DACH2: variants seen among roughly 807,000 people sequenced by gnomAD.
The protein encoded by DACH2 is dachshund family transcription factor 2, also known as dachshund homolog 2.
DACH2 carries 17 observed loss-of-function variants against 35.8 expected under a neutral mutation model. That is an observed-to-expected ratio of 0.48 (90% confidence interval 0.33 to 0.71). DACH2 has a LOEUF of 0.71. Among genes scored for constraint, DACH2 ranks in the 30% least tolerant of loss-of-function variants. DACH2 has a pLI of 0.02. For missense variants in DACH2, 469 were observed against 472.7 expected (o/e 0.99, Z 0.07); for synonymous variants, 195 against 177.3 (o/e 1.10, Z -0.79).
At chrX:86,414,462 A>G (rs2036667888) in intron 2 of DACH2, among the ~76,000 whole-genome samples, 1 of 111,257 alleles carries the variant, frequency 9.0e-6, no homozygotes, top group South Asian at 3.7e-4. Context: ...TTCCCATTGT[A>G]TTTAAATTTT....
chrX:86,814,946 G>A, intron 10 of DACH2, 112 bp downstream of exon 10: 2 of 788,720 alleles, frequency 2.5e-6, no homozygotes, highest in Non-Finnish European at 3.5e-6. Flanking sequence ...AAGGGAGAGA[G>A]GGAAACACAG....
At chrX:86,536,250 G>A (rs1179684237) in intron 3 of DACH2, among the ~76,000 whole-genome samples, 1 of 111,760 alleles carries the variant, frequency 8.9e-6, no homozygotes, top group African/African-American at 3.3e-5. Context: ...TCCTGATGGA[G>A]GAAATGAGTG....
intron 7 of DACH2, among the ~76,000 whole-genome samples, chrX:86,749,272 G>C (rs1296629029): frequency 1.8e-5 from 2 of 111,922 alleles, no homozygotes; most frequent in African/African-American, 6.5e-5. Context: ...TTGGCTAACT[G>C]TTTGGTGCAA....
At chrX:86,756,462 T>C (rs1177937439) in intron 7 of DACH2, among the ~76,000 whole-genome samples, 1 of 103,182 alleles carries the variant, frequency 9.7e-6, no homozygotes, top group East Asian at 3.2e-4. Flanking sequence ...TTAGGTTAAA[T>C]TTACTCCTAG....
intron 1 of DACH2, among the ~76,000 whole-genome samples, chrX:86,212,094 T>A (rs1337623608): frequency 9.0e-6 from 1 of 111,325 alleles, no homozygotes; most frequent in African/African-American, 3.3e-5. Flanking sequence ...AAGAATCGAG[T>A]CAACTGGGAG....
At chrX:86,491,774 T>C (rs1752226591) in intron 2 of DACH2, among the ~76,000 whole-genome samples, 1 of 111,757 alleles carries the variant, frequency 8.9e-6, no homozygotes, top group African/African-American at 3.2e-5. Context: ...GCAGCAAAAC[T>C]GAGTTCTAGC....
intron 1 of DACH2, among the ~76,000 whole-genome samples, chrX:86,321,381 C>G (rs141351906): frequency 8.9e-6 from 1 of 111,904 alleles, no homozygotes; most frequent in East Asian, 2.8e-4. Context: ...AATTGGGAGA[C>G]AAGGAGGTGT....
chrX:86,150,881 ACT>A (rs1387915520), intron 1 of DACH2, among the ~76,000 whole-genome samples: 1 of 110,180 alleles, frequency 9.1e-6, no homozygotes, highest in Non-Finnish European at 1.9e-5. Context: ...TCTCTTATTA[ACT>A]CTCTCTCTTT....
intron 2 of DACH2, among the ~76,000 whole-genome samples, chrX:86,438,161 G>T (rs1211928053): frequency 9.4e-6 from 1 of 105,839 alleles, no homozygotes; most frequent in Non-Finnish European, 1.9e-5. Flanking sequence ...TCATTAGTTT[G>T]CTTAGGATAA....
Position 86,332,359 on chromosome X carries a change from C to A in DACH2, c.489-44465C>A, listed in dbSNP as rs1363061667. Among the ~76,000 whole-genome samples, 3 of 111,258 alleles carry A rather than the reference C, an allele frequency of 2.7e-5. No individual in the cohort carries two copies. In the East Asian group the frequency reaches 8.5e-4, roughly 31 times the overall value. On this transcript the variant is annotated intron_variant, in intron 1 of 11. Coordinates refer to ENST00000373125, the MANE Select transcript of DACH2 (RefSeq NM_053281.3). ...GAATCATAATTGTGGCCTCCGACTA[C>A]CAGGTATTGGTTCTATTTTTGTATG...
rs192777758 is a variant in DACH2 at position 86,203,181 on chromosome X, A to G, written c.488+54073A>G. Among the ~76,000 whole-genome samples, 484 of 111,549 alleles carry G rather than the reference A, an allele frequency of 4.3e-3. 1 individual carries two copies. Among genetic ancestry groups the G allele is most frequent in the Non-Finnish European group, 7.1e-3 (374 of 52,987 alleles). ...GATATTTGAAAACTTGCTAATTGCTATTATTTCAACAAAATTGGGTTGAAG... is the reference window on the plus strand; with the variant it reads ...GATATTTGAAAACTTGCTAATTGCTGTTATTTCAACAAAATTGGGTTGAAG... On this transcript the variant is annotated intron_variant, in intron 1 of 11. Coordinates refer to ENST00000373125, the MANE Select transcript of DACH2 (RefSeq NM_053281.3).
At chrX:86,338,127 A>G (rs1204323448) in intron 1 of DACH2, among the ~76,000 whole-genome samples, 1 of 111,664 alleles carries the variant, frequency 9.0e-6, no homozygotes, top group Non-Finnish European at 1.9e-5. Flanking sequence ...AGATACTTTA[A>G]CATCCCACTG....
intron 1 of DACH2, among the ~76,000 whole-genome samples, chrX:86,239,312 C>G (rs979610400): frequency 9.0e-6 from 1 of 111,281 alleles, no homozygotes; most frequent in Admixed American, 9.6e-5. Flanking sequence ...TAGCCAGCAA[C>G]TAGGTCAACA....
At chrX:86,166,434 ATTTG>A (rs1437416828) in intron 1 of DACH2, among the ~76,000 whole-genome samples, 3 of 111,661 alleles carry the variant, frequency 2.7e-5, no homozygotes, top group African/African-American at 6.5e-5. Flanking sequence ...ACTTTACTTA[ATTTG>A]TTTATCAGTT....
chrX:86,639,229 C>T (rs1327738111), intron 3 of DACH2, among the ~76,000 whole-genome samples: 1 of 111,504 alleles, frequency 9.0e-6, no homozygotes, highest in African/African-American at 3.3e-5. Flanking sequence ...AAAAGCAAGA[C>T]CGGAAAACAG....
intron 1 of DACH2, among the ~76,000 whole-genome samples, chrX:86,360,035 C>A (rs758218270): frequency 9.2e-6 from 1 of 109,277 alleles, no homozygotes; most frequent in South Asian, 4.1e-4. Context: ...ATGTGTGTCA[C>A]CATGCCTGGA....
rs929941590 is a variant in DACH2, at chrX:86,720,533, T to A, written c.1104+5813T>A. On this transcript the variant is annotated intron_variant, in intron 6 of 11. Coordinates refer to ENST00000373125, the MANE Select transcript of DACH2 (RefSeq NM_053281.3). The stretch of plus-strand genomic sequence containing the variant: ...ATATTCTTTGACTCCATATCTCACA[T>A]CCAGTTCATGCTGATGCAAAAGTGG... 2.7e-5 allele frequency among the ~76,000 whole-genome samples: 3 copies of A among 112,075 alleles called. No individual in the cohort carries two copies. The East Asian group carries it at 8.5e-4, about 32-fold the overall frequency.
intron 3 of DACH2, among the ~76,000 whole-genome samples, chrX:86,520,841 G>T (rs1050495999): frequency 2.7e-5 from 3 of 111,436 alleles, no homozygotes; most frequent in African/African-American, 9.8e-5. Context: ...TTTAGGTCTT[G>T]CCTTTTTATC....
chrX:86,536,132 T>A (rs1177950910), intron 3 of DACH2, among the ~76,000 whole-genome samples: 1 of 110,508 alleles, frequency 9.0e-6, no homozygotes, highest in East Asian at 2.9e-4. Context: ...ACAGCAAAAT[T>A]TTTGCTGTTT....
Sources: allele counts gnomAD v4.1 joint callset (sites outside exome capture counted in the v4.1 genomes callset), GRCh38; gene constraint gnomAD v4.1.1; transcripts MANE v1.5; gene names NCBI Gene and HGNC (gene_info 2026-07-23, HGNC 2026-07-21).